Variants in TMPRSS9 observed in about 807,000 individuals in gnomAD.
The protein encoded by TMPRSS9 is transmembrane serine protease 9.
Under a neutral mutation model 111.4 loss-of-function variants are expected in TMPRSS9, and 113 were observed. That is an observed-to-expected ratio of 1.01 (90% CI 0.87 to 1.19). The LOEUF (loss-of-function observed/expected upper bound fraction) is 1.19, where lower values mean the gene tolerates loss of function less well. Ranked by LOEUF, TMPRSS9 falls within the 50% of genes most tolerant of loss-of-function variation. TMPRSS9 has a pLI of 0.00. For synonymous variants in TMPRSS9, 805 were observed against 659.1 expected (o/e 1.22, Z -3.39); for missense variants, 1,803 against 1,513.1 (o/e 1.19, Z -3.18).
rs762761358 is a variant in TMPRSS9, at chr19:2,368,774, G to GTTTTTTTTTTTTTTTTTTTTTT, written c.-26+8420_-26+8441dup. 7.2e-4 allele frequency among the ~76,000 whole-genome samples: 51 copies of GTTTTTTTTTTTTTTTTTTTTTT among 70,384 alleles called. 17 individuals carry two copies. Among genetic ancestry groups the GTTTTTTTTTTTTTTTTTTTTTT allele is most frequent in the African/African-American group, 1.3e-3 (22 of 16,558 alleles). The allele number at this position is 70,384 out of a possible 152,430, so 46.2% of individuals were successfully genotyped here. ...TGCCAGGGCATCAAGGATAAACCCAGTTTTTTTTTTTTTTTTTTTTTTTTT... is the reference window on the plus strand; with the variant it reads ...TGCCAGGGCATCAAGGATAAACCCAGTTTTTTTTTTTTTTTTTTTTTTTTTTTTTTTTTTTTTTTTTTTTTTT... On this transcript the variant is annotated intron_variant, in intron 1 of 17. Transcript: ENST00000649857.
At chr19:2,400,599 C>T (rs1970814643) in intron 4 of TMPRSS9, among the ~76,000 whole-genome samples, 1 of 151,876 alleles carries the variant, frequency 6.6e-6, no homozygotes, top group Non-Finnish European at 1.5e-5. Flanking sequence ...TTTGTATGCA[C>T]CTGGTTTTAA....
intron 1 of TMPRSS9, among the ~76,000 whole-genome samples, chr19:2,378,524 C>A (rs1599278058): frequency 6.6e-6 from 1 of 152,188 alleles, no homozygotes; most frequent in African/African-American, 2.4e-5. Flanking sequence ...TCAAGACCAG[C>A]CTGGCCAATA....
intron 1 of TMPRSS9, among the ~76,000 whole-genome samples, chr19:2,374,296 G>C (rs1178135617): frequency 7.4e-6 from 1 of 135,884 alleles, no homozygotes; most frequent in Non-Finnish European, 1.5e-5. Flanking sequence ...AAAGAGGTAG[G>C]GCGCGGTGGC....
intron 4 of TMPRSS9, among the ~76,000 whole-genome samples, chr19:2,401,118 CA>C (rs1349888342): frequency 7.5e-6 from 1 of 133,600 alleles, no homozygotes; most frequent in Non-Finnish European, 1.7e-5. Flanking sequence ...ACTAAAAATA[CA>C]AAAAATCAGC....
chr19:2,408,136 C>G (rs928768843), intron 7 of TMPRSS9, among the ~76,000 whole-genome samples: 5 of 151,750 alleles, frequency 3.3e-5, no homozygotes, highest in African/African-American at 7.3e-5. Flanking sequence ...CCAGGCTCGT[C>G]TTGAACTCCT....
chr19:2,421,873 T>C, exon 14 of TMPRSS9: 1 of 1,607,988 alleles, frequency 6.2e-7, no homozygotes, highest in South Asian at 1.1e-5. Context: ...GGGGGCCCCC[T>C]GGCCTGCGAG....
At chr19:2,421,270 T>C (rs1971456244) in intron 13 of TMPRSS9, among the ~76,000 whole-genome samples, 1 of 151,794 alleles carries the variant, frequency 6.6e-6, no homozygotes. Flanking sequence ...GGACTATTCA[T>C]GGCTGTTATT....
chr19:2,398,023 GC>G (rs1970745844), intron 2 of TMPRSS9, among the ~76,000 whole-genome samples: 2 of 146,250 alleles, frequency 1.4e-5, no homozygotes, highest in African/African-American at 5.0e-5. Context: ...AGCTGGGAGT[GC>G]AGGCACACAC....
intron 1 of TMPRSS9, among the ~76,000 whole-genome samples, chr19:2,390,496 G>A (rs959340208): frequency 2.0e-5 from 3 of 149,484 alleles, no homozygotes; most frequent in African/African-American, 4.9e-5. Flanking sequence ...GCCCGCCTCA[G>A]CCTCCCAAAG....
intron 14 of TMPRSS9, among the ~76,000 whole-genome samples, chr19:2,423,095 A>T (rs1462973604): frequency 6.6e-6 from 1 of 150,434 alleles, no homozygotes; most frequent in Non-Finnish European, 1.5e-5. Context: ...AGGGACTTTG[A>T]TGGTTCACAG....
chr19:2,415,391 C>T (rs945768936), intron 10 of TMPRSS9, among the ~76,000 whole-genome samples: 8 of 152,074 alleles, frequency 5.3e-5, no homozygotes, highest in African/African-American at 9.7e-5. Flanking sequence ...TTGTGGGCTG[C>T]GGGTCTGTGG....
intron 1 of TMPRSS9, among the ~76,000 whole-genome samples, chr19:2,380,221 C>T (rs998341902): frequency 1.8e-4 from 28 of 151,948 alleles, no homozygotes; most frequent in African/African-American, 5.8e-4. Flanking sequence ...GAAATCGAGG[C>T]TGCAATGAGC....
At chr19:2,422,119 C>A (rs1394720730) in exon 14 of TMPRSS9, 12 of 1,598,726 alleles carry the variant, frequency 7.5e-6, no homozygotes, top group Non-Finnish European at 9.4e-6. Flanking sequence ...AGCAGACCCA[C>A]CCCTGGGGCT....
chr19:2,363,065 C>T (rs921816095), intron 1 of TMPRSS9, among the ~76,000 whole-genome samples: 6 of 152,150 alleles, frequency 3.9e-5, no homozygotes, highest in African/African-American at 1.4e-4. Flanking sequence ...TTGGGCCCTG[C>T]AGAGCCTCAC....
chr19:2,410,419 C>T (rs763410714), intron 9 of TMPRSS9, 25 bp downstream of exon 10: 28 of 1,611,186 alleles, frequency 1.7e-5, no homozygotes, highest in Non-Finnish European at 2.3e-5. Context: ...CCCCAGACCC[C>T]AGAAAAACAC....
intron 1 of TMPRSS9, among the ~76,000 whole-genome samples, chr19:2,370,357 C>T (rs8101533): frequency 0.22 from 31,808 of 146,346 alleles, 5,817 homozygotes; most frequent in African/African-American, 0.5. Flanking sequence ...GGAGGTGGAG[C>T]TTGCAGTGAG....
intron 1 of TMPRSS9, among the ~76,000 whole-genome samples, chr19:2,382,796 C>T (rs531451416): frequency 3.2e-4 from 48 of 152,272 alleles, no homozygotes; most frequent in African/African-American, 9.6e-4. Flanking sequence ...CACACCCGCA[C>T]ACAGACTCAC....
At chr19:2,424,937 A>G in intron 15 of TMPRSS9, 65 bp from the exon 17 acceptor site, 1 of 1,367,038 alleles carries the variant, frequency 7.3e-7, no homozygotes, top group Non-Finnish European at 9.4e-7. Context: ...GCTGGGGGAC[A>G]CCACAGGGGC....
At position 2,425,853 on chromosome 19, in the gene TMPRSS9, G is replaced by C. The variant is rs530440476; in HGVS notation, c.3121-74G>C. 2.7e-6 allele frequency: 4 copies of C among 1,504,312 alleles called. No individual in the cohort carries two copies. In the African/African-American group the frequency reaches 5.6e-5, roughly 21 times the overall value. The allele number at this position is 1,504,312 out of a possible 1,614,324, so 93.2% of individuals were successfully genotyped here. A position where few individuals can be genotyped will look rare whatever the true frequency, so the allele number is the denominator to read the frequency against. ...GGGGAAGTCACTAGGGTCACTCCTA[G>C]AGGGGCCAATGACCCAAGGGCTGCT... On this transcript the variant is annotated intron_variant, in intron 17 of 17. Coordinates refer to ENST00000648592, the Ensembl canonical transcript of TMPRSS9.
Sources: allele counts gnomAD v4.1 joint callset (sites outside exome capture counted in the v4.1 genomes callset), GRCh38; gene constraint gnomAD v4.1.1; transcripts MANE v1.5; gene names NCBI Gene and HGNC (gene_info 2026-07-23, HGNC 2026-07-21).